The following RNF39 variants were observed in gnomAD, a reference collection of about 807,000 sequenced individuals.
RNF39 encodes the protein LTP (long-term potentiation) induced RING finger protein.
A neutral mutation model predicts 29.2 loss-of-function variants in RNF39; 25 were observed. The observed-to-expected ratio is 0.86, with a 90% CI of 0.62 to 1.20. The LOEUF (loss-of-function observed/expected upper bound fraction) is 1.20. Ranked by LOEUF, RNF39 falls within the 50% of genes most tolerant of loss-of-function variation. RNF39 has a pLI of 0.00. For missense variants in RNF39, 519 were observed against 515.0 expected (o/e 1.01, Z -0.08); for synonymous variants, 219 against 229.0 (o/e 0.96, Z 0.40).
At position 30,070,673 on chromosome 6, in the gene RNF39, G is replaced by C; in HGVS notation, c.*438C>G. The C allele has an allele frequency of 5.3e-6, 2 of 379,528 alleles. No individual in the cohort carries two copies. The highest frequency in any genetic ancestry group is 4.0e-5 in the South Asian group (2 of 49,744). 23.5% of individuals were successfully genotyped at this position (379,528 alleles called of 1,614,324 possible). Reference sequence around the variant, plus strand: ...GGAGAAACCTCAGTGGACAGGCAGGGTAGCCCAGTCCTTAGATCTGTGGGG... The same window carrying C: ...GGAGAAACCTCAGTGGACAGGCAGGCTAGCCCAGTCCTTAGATCTGTGGGG... On this transcript the variant is annotated 3_prime_UTR_variant, in exon 4 of 4. Transcript: ENST00000244360.
Position 30,071,710 on chromosome 6 carries a change from G to A in RNF39, c.479-19C>T. The A allele has an allele frequency of 7.2e-7, 1 of 1,396,702 alleles. No individual in the cohort carries two copies. The highest frequency in any genetic ancestry group is 1.5e-5 in the African/African-American group (1 of 66,078). 86.5% of individuals were successfully genotyped at this position (1,396,702 alleles called of 1,614,324 possible). ...AGGTCGGCTGGAGACGGGGAGGCAG[G>A]GAGAGGACCTCATGAGAGAGTTTTC... On this transcript the variant is annotated intron_variant, in intron 3 of 3. Coordinates refer to ENST00000244360, the MANE Select transcript of RNF39 (RefSeq NM_025236.4). This position sits in a 1 kb window ranked among gnomAD's most constrained non-coding sequence, Gnocchi z 5.0.
Position 30,075,616 on chromosome 6 carries a change from C to A in RNF39, c.-31G>T. 1 of 1,583,590 alleles carries A rather than the reference C, an allele frequency of 6.3e-7. No individual in the cohort carries two copies. The highest frequency in any genetic ancestry group is 8.6e-7 in the Non-Finnish European group (1 of 1,168,998). On this transcript the variant is annotated 5_prime_UTR_variant, in exon 1 of 4. Transcript: ENST00000244360. Reference sequence around the variant, plus strand: ...GCCAGGATCTGGACGCCGCCCCTTCCGCGACCACCGTGACCGCCTTCGAGC... The same window carrying A: ...GCCAGGATCTGGACGCCGCCCCTTCAGCGACCACCGTGACCGCCTTCGAGC...
Position 30,075,563 on chromosome 6 carries a change from G to A in RNF39, c.23C>T (p.Pro8Leu). The change falls in exon 1 of 4, where the codon CCG becomes CTG. Residue 8 changes from proline to leucine, a missense_variant. Physicochemically the swap from Pro to Leu is moderately conservative, Grantham distance 98. Coordinates refer to ENST00000244360, the MANE Select transcript of RNF39 (RefSeq NM_025236.4). MDAPELG[P>L]GLVERLEQLA... ...CTGCTCCAGACGCTCCACCAGCCCC[G>A]GGCCCAGCTCGGGCGCATCCATGGA... 6 of 1,605,192 alleles carry A rather than the reference G, an allele frequency of 3.7e-6. No individual in the cohort carries two copies. Among genetic ancestry groups the A allele is most frequent in the Non-Finnish European group, 4.2e-6 (5 of 1,178,276 alleles).
Position 30,070,991 on chromosome 6 carries a change from G to T in RNF39, c.*120C>A. The stretch of plus-strand genomic sequence containing the variant: ...TTATTTTGGGGCGAAAATGTGGGTT[G>T]CTATTAATACTCCTGCAATGGGCGT... On this transcript the variant is annotated 3_prime_UTR_variant, in exon 4 of 4. Transcript: ENST00000244360. 1 of 864,788 alleles carries T rather than the reference G, an allele frequency of 1.2e-6. No homozygotes were observed. The highest frequency in any genetic ancestry group is 1.9e-6 in the Non-Finnish European group (1 of 522,022). The allele number at this position is 864,788 out of a possible 1,614,324, so 53.6% of individuals were successfully genotyped here.
chr6:30,071,648 G>T lies in RNF39; in HGVS notation c.522C>A (p.Leu174=). Residue 174 remains leucine (L), a synonymous_variant, in exon 4 of 4, where the codon CTC becomes CTA. Transcript: ENST00000244360. This position sits in a 1 kb window ranked among gnomAD's most constrained non-coding sequence, Gnocchi z 5.0. ...LDPGTAHRRL[L]ISADRRSVQL... is the part of the protein sequence containing the mutation. ...GTACGCTGCGGCGGTCGGCGGAGAT[G>T]AGCAGGCGGCGGTGTGCGGTCCCAG... The T allele has an allele frequency of 7.0e-7, 1 of 1,431,676 alleles. No individual in the cohort carries two copies. Among genetic ancestry groups the T allele is most frequent in the Non-Finnish European group, 9.1e-7 (1 of 1,099,668 alleles). The allele number at this position is 1,431,676 out of a possible 1,614,324, so 88.7% of individuals were successfully genotyped here.
chr6:30,071,682 G>T lies in RNF39; in HGVS notation c.488C>A (p.Thr163Asn). The part of the protein sequence containing the change: ...KMLHRLTADL[T>N]LDPGTAHRRL... The stretch of plus-strand genomic sequence containing the variant: ...GCGGTGTGCGGTCCCAGGGTCCAGG[G>T]TCAGGTCGGCTGGAGACGGGGAGGC... Residue 163 changes from threonine to asparagine, a missense_variant, in exon 4 of 4, where the codon ACC becomes AAC. Coordinates refer to ENST00000244360, the MANE Select transcript of RNF39 (RefSeq NM_025236.4). This position sits in a 1 kb window ranked among gnomAD's most constrained non-coding sequence, Gnocchi z 5.0. 3 of 1,411,204 alleles carry T rather than the reference G, an allele frequency of 2.1e-6. No homozygotes were observed. The highest frequency in any genetic ancestry group is 2.8e-6 in the Non-Finnish European group (3 of 1,088,752). 87.4% of individuals were successfully genotyped at this position (1,411,204 alleles called of 1,614,324 possible).
Position 30,071,434 on chromosome 6 carries a change from C to G in RNF39, c.736G>C (p.Gly246Arg). Residue 246 changes from glycine to arginine, a missense_variant, in exon 4 of 4, where the codon GGC (glycine) becomes CGC (arginine). Transcript: ENST00000244360. The surrounding 1 kb of genome is among the most constrained non-coding windows in gnomAD (Gnocchi z 5.0). ...ADDEESHYAV[G>R]AAGESVQRKG... ...CGTTGCACTGATTCCCCGGCCGCGC[C>G]CACTGCATAGTGGCTCTCCTCGTCG... 1 of 1,516,282 alleles carries G rather than the reference C, an allele frequency of 6.6e-7. No individual in the cohort carries two copies. The highest frequency in any genetic ancestry group is 8.8e-7 in the Non-Finnish European group (1 of 1,141,570). The allele number at this position is 1,516,282 out of a possible 1,614,324, so 93.9% of individuals were successfully genotyped here.
intron 1 of RNF39, 22 bp from the exon 2 acceptor site, chr6:30,073,500 A>G (rs1401193094): frequency 1.2e-6 from 2 of 1,613,084 alleles, no homozygotes; most frequent in Non-Finnish European, 1.7e-6. Context: ...AGAAACAAAC[A>G]TGGATGTGAG....
rs1766044502 is a variant in RNF39, at chr6:30,072,176, G to A, written c.479-485C>T. On this transcript the variant is annotated intron_variant, in intron 3 of 3. Coordinates refer to ENST00000244360, the MANE Select transcript of RNF39 (RefSeq NM_025236.4). This position sits in a 1 kb window ranked among gnomAD's most constrained non-coding sequence, Gnocchi z 4.5. ...GGAGGGGCACAGGGAGGAATCCAAGGTATCCTGAGAAACCAGCCCACCCAC... is the reference window on the plus strand; with the variant it reads ...GGAGGGGCACAGGGAGGAATCCAAGATATCCTGAGAAACCAGCCCACCCAC... Among the ~76,000 whole-genome samples, 1 of 152,074 alleles carries A rather than the reference G, an allele frequency of 6.6e-6. No homozygotes were observed. Among genetic ancestry groups the A allele is most frequent in the Non-Finnish European group, 1.5e-5 (1 of 68,008 alleles).
rs1765973611 is a variant in RNF39, at chr6:30,071,532, G to A, written c.638C>T (p.Ala213Val). The A allele has an allele frequency of 2.6e-6, 4 of 1,526,624 alleles. No individual in the cohort carries two copies. Among genetic ancestry groups the A allele is most frequent in the Middle Eastern group, 1.8e-4 (1 of 5,706 alleles). The allele number at this position is 1,526,624 out of a possible 1,614,324, so 94.6% of individuals were successfully genotyped here. A position where few individuals can be genotyped will look rare whatever the true frequency, so the allele number is the denominator to read the frequency against. Residue 213 changes from alanine (A) to valine (V), a missense_variant, in exon 4 of 4, where the codon GCC becomes GTC. Physicochemically the swap from Ala to Val is moderately conservative, Grantham distance 64. Transcript: ENST00000244360. This position sits in a 1 kb window ranked among gnomAD's most constrained non-coding sequence, Gnocchi z 5.0. ...CTCCACCTCCCAGCAGTGGCGGCCG[G>A]CCCCGAAGCCCTGCGCACCCAGCAC... The part of the protein sequence containing the change: ...PAVLGAQGFG[A>V]GRHCWEVETA...
Position 30,071,573 on chromosome 6 carries a change from G to C in RNF39, c.597C>G (p.Phe199Leu), listed in dbSNP as rs1765983154. 2 of 1,489,770 alleles carry C rather than the reference G, an allele frequency of 1.3e-6. No homozygotes were observed. Among genetic ancestry groups the C allele is most frequent in the African/African-American group, 1.4e-5 (1 of 70,132 alleles). 92.3% of individuals were successfully genotyped at this position (1,489,770 alleles called of 1,614,324 possible). The change falls in exon 4 of 4, where the codon TTC becomes TTG. Residue 199 changes from phenylalanine (F) to leucine (L), a missense_variant. Phe to Leu is a conservative substitution (Grantham distance 22). Transcript: ENST00000244360. The surrounding 1 kb of genome is among the most constrained non-coding windows in gnomAD (Gnocchi z 5.0). ...CACCCAGCACAGCTGGGAGCTGATC[G>C]AAGCGCTTGGGGCCGTCAGGGGGCG... ...TPAPPDGPKR[F>L]DQLPAVLGAQ... is the part of the protein sequence containing the mutation.
rs376524967 is a variant in RNF39 at position 30,071,199 on chromosome 6, G to C, written c.971C>G (p.Ala324Gly). Residue 324 changes from alanine (A) to glycine (G), a missense_variant, in exon 4 of 4, where the codon GCG (alanine) becomes GGG (glycine). Transcript: ENST00000244360. The surrounding 1 kb of genome is among the most constrained non-coding windows in gnomAD (Gnocchi z 5.0). ...RSLDLLYAFQ[A>G]PGPLGERIFP... ...GATGCGCTCCCCCAGGGGGCCAGGC[G>C]CCTGGAAGGCGTAAAGCAGGTCGAG... The C allele has an allele frequency of 1.5e-5, 23 of 1,517,966 alleles. No homozygotes were observed. The highest frequency in any genetic ancestry group is 2.0e-5 in the Non-Finnish European group (23 of 1,136,232). The allele number at this position is 1,517,966 out of a possible 1,614,324, so 94.0% of individuals were successfully genotyped here.
In RNF39 at chr6:30,071,309, C is replaced by G; in HGVS notation, c.861G>C (p.Leu287=). 7.4e-6 allele frequency: 11 copies of G among 1,492,678 alleles called. No homozygotes were observed. Among genetic ancestry groups the G allele is most frequent in the Non-Finnish European group, 9.8e-6 (11 of 1,126,044 alleles). The allele number at this position is 1,492,678 out of a possible 1,614,324, so 92.5% of individuals were successfully genotyped here. A position where few individuals can be genotyped will look rare whatever the true frequency, so the allele number is the denominator to read the frequency against. Residue 287 remains leucine, a synonymous_variant, in exon 4 of 4, where the codon CTG becomes CTC. Transcript: ENST00000244360. The surrounding 1 kb of genome is among the most constrained non-coding windows in gnomAD (Gnocchi z 5.0). ...GCCGCGGCGGGGGCTCAACACCGCCCAGCAGGGTGGGTTCGGGTGCCGTGA... is the reference window on the plus strand; with the variant it reads ...GCCGCGGCGGGGGCTCAACACCGCCGAGCAGGGTGGGTTCGGGTGCCGTGA... ...WALTAPEPTL[L]GGVEPPPRRI...
Position 30,075,396 on chromosome 6 carries a change from G to T in RNF39, c.190C>A (p.Pro64Thr). The T allele has an allele frequency of 6.4e-7, 1 of 1,564,968 alleles. No individual in the cohort carries two copies. Among genetic ancestry groups the T allele is most frequent in the South Asian group, 1.2e-5 (1 of 86,660 alleles). ...TGTEASPTAC[P>T]CCGLPCPRRS... is the part of the protein sequence containing the mutation. Reference sequence around the variant, plus strand: ...CGGGGACACGGCAGGCCGCAGCAGGGACAGGCGGTGGGGGAAGCCTCGGTG... The same window carrying T: ...CGGGGACACGGCAGGCCGCAGCAGGTACAGGCGGTGGGGGAAGCCTCGGTG... Residue 64 changes from proline to threonine, a missense_variant, in exon 1 of 4, where the codon CCC becomes ACC. Physicochemically the swap from Pro to Thr is conservative, Grantham distance 38. Coordinates refer to ENST00000244360, the MANE Select transcript of RNF39 (RefSeq NM_025236.4).
In RNF39 at chr6:30,071,463, G is replaced by A; in HGVS notation, c.707C>T (p.Ala236Val). Residue 236 changes from alanine (A) to valine (V), a missense_variant, in exon 4 of 4, where the codon GCG becomes GTG. Ala to Val is a moderately conservative substitution (Grantham distance 64). Coordinates refer to ENST00000244360, the MANE Select transcript of RNF39 (RefSeq NM_025236.4). The surrounding 1 kb of genome is among the most constrained non-coding windows in gnomAD (Gnocchi z 5.0). ...ASCRDSSGED[A>V]DDEESHYAVG... Reference sequence around the variant, plus strand: ...TGCATAGTGGCTCTCCTCGTCGTCCGCATCCTCCCCAGAAGAGTCTCTGCA... The same window carrying A: ...TGCATAGTGGCTCTCCTCGTCGTCCACATCCTCCCCAGAAGAGTCTCTGCA... 3 of 1,557,050 alleles carry A rather than the reference G, an allele frequency of 1.9e-6. No individual in the cohort carries two copies. The highest frequency in any genetic ancestry group is 2.6e-6 in the Non-Finnish European group (3 of 1,159,518).
In RNF39 at chr6:30,073,137, C is replaced by T. The variant is rs746822120; in HGVS notation, c.478+20G>A. On this transcript the variant is annotated intron_variant, in intron 3 of 3. Transcript: ENST00000244360. Reference sequence around the variant, plus strand: ...ACAGACTTTCATTCAATTCCCTTCCCTCCCTTCTTCTTTCCTTACCTGTCA... The same window carrying T: ...ACAGACTTTCATTCAATTCCCTTCCTTCCCTTCTTCTTTCCTTACCTGTCA... 1.3e-5 allele frequency: 19 copies of T among 1,483,490 alleles called. No homozygotes were observed. The highest frequency in any genetic ancestry group is 1.7e-5 in the Non-Finnish European group (18 of 1,061,412). 91.9% of individuals were successfully genotyped at this position (1,483,490 alleles called of 1,614,324 possible). A position where few individuals can be genotyped will look rare whatever the true frequency, so the allele number is the denominator to read the frequency against.
chr6:30,075,225 C>CTCCGGGCAGG lies in RNF39; in HGVS notation c.351_360dup (p.Glu121ProfsTer14). On this transcript the variant is annotated frameshift_variant, in exon 1 of 4. Coordinates refer to ENST00000244360, the MANE Select transcript of RNF39 (RefSeq NM_025236.4). LOFTEE classifies it high-confidence loss of function. Reference sequence around the variant, plus strand: ...CCGCGACGCGCGCCCAGCCTCACCTCTCCGGGCAGGTCCAGGCAGCCCATG... The same window carrying CTCCGGGCAGG: ...CCGCGACGCGCGCCCAGCCTCACCTCTCCGGGCAGGTCCGGGCAGGTCCAGGCAGCCCATG... 6.3e-7 allele frequency: 1 copy of CTCCGGGCAGG among 1,588,842 alleles called. No homozygotes were observed. The highest frequency in any genetic ancestry group is 8.5e-7 in the Non-Finnish European group (1 of 1,174,076).
In RNF39 at chr6:30,075,637, C is replaced by G. The variant is rs944959791; in HGVS notation, c.-52G>C. The G allele has an allele frequency of 6.2e-7, 1 of 1,612,388 alleles. No individual in the cohort carries two copies. The highest frequency in any genetic ancestry group is 8.5e-7 in the Non-Finnish European group (1 of 1,180,020). On this transcript the variant is annotated 5_prime_UTR_variant, in exon 1 of 4. Transcript: ENST00000244360. ...CTTCCGCGACCACCGTGACCGCCTT[C>G]GAGCGCGCAGATGGCGGGCCGCCCC...
rs377243892 is a variant in RNF39 at position 30,075,233 on chromosome 6, A to G, written c.353T>C (p.Leu118Pro). 5.7e-6 allele frequency: 9 copies of G among 1,591,822 alleles called. No homozygotes were observed. In the African/African-American group the frequency reaches 1.1e-4, roughly 19 times the overall value. ...CGCGCCCAGCCTCACCTCTCCGGGCAGGTCCAGGCAGCCCATGGTGGGGAT... is the reference window on the plus strand; with the variant it reads ...CGCGCCCAGCCTCACCTCTCCGGGCGGGTCCAGGCAGCCCATGGTGGGGAT... ...GRIPTMGCLD[L>P]PGEDMRKTWR... The change falls in exon 1 of 4, where the codon CTG (leucine) becomes CCG (proline). Residue 118 changes from leucine (L) to proline (P), a missense_variant. By Grantham distance (98) the Leu-to-Pro change is moderately conservative. Transcript: ENST00000244360.
Sources: gnomAD v4.1 joint callset for allele counts (sites outside exome capture counted in the v4.1 genomes callset) on GRCh38, gnomAD v4.1.1 for gene constraint, Gnocchi (gnomAD v3.1) non-coding constraint, MANE v1.5 for transcripts, NCBI Gene and HGNC (gene_info 2026-07-23, HGNC 2026-07-21) for gene names.